The following LRRC56 variants were observed in gnomAD, a reference collection of about 807,000 sequenced individuals.
LRRC56 encodes the protein leucine rich repeat containing 56, also known as leucine-rich repeat-containing protein 56.
In LRRC56, 41 loss-of-function variants were observed where a neutral mutation model predicts 47.8. The ratio of observed to expected loss-of-function variants is 0.86; its 90% CI spans 0.67 to 1.11. The LOEUF (loss-of-function observed/expected upper bound fraction) is 1.11. LRRC56 is among the 50% of genes most tolerant of loss of function. The probability of loss-of-function intolerance (pLI) is 0.00; values close to 1 mark genes in which losing one functional copy is unlikely to be tolerated. For missense variants in LRRC56, 759 were observed against 704.2 expected (o/e 1.08, Z -0.88); for synonymous variants, 387 against 311.2 (o/e 1.24, Z -2.56).
chr11:553,872 G>A (rs140579137), intron 13 of LRRC56, 91 bp from the exon 14 acceptor site: 3 of 1,183,048 alleles, frequency 2.5e-6, no homozygotes, highest in Non-Finnish European at 2.4e-6. Context: ...CCTCGGGGCT[G>A]CAGGGCCACG....
intron 9 of LRRC56, 96 bp downstream of exon 9, chr11:551,398 C>A (rs1038404535): frequency 1.1e-6 from 1 of 897,024 alleles, no homozygotes. Context: ...ATAGCCACAT[C>A]TCATGCGCTT....
In LRRC56 at chr11:540,719, G is replaced by A. The variant is rs2277269; in HGVS notation, c.35G>A (p.Arg12Gln). 5,850 of 1,612,636 alleles carry A rather than the reference G, an allele frequency of 3.6e-3. 94 individuals carry two copies. Among genetic ancestry groups the A allele is most frequent in the Admixed American group, 0.031 (1,839 of 59,964 alleles). Reference protein sequence around the residue: ...DLGWDRSRGPRRSTSSVRVRE... With the variant: ...DLGWDRSRGPQRSTSSVRVRE... ...GGCTGGGACAGATCCCGTGGGCCTC[G>A]GCGGAGCACCTCCAGCGTCCGGGTG... The change falls in exon 4 of 14, where the codon CGG (arginine) becomes CAG (glutamine). Residue 12 changes from arginine to glutamine, a missense_variant. Physicochemically the swap from Arg to Gln is conservative, Grantham distance 43. Transcript: ENST00000270115.
chr11:511,812 C>T, the LRRC56 span, among the ~76,000 whole-genome samples: 1 of 152,210 alleles, frequency 6.6e-6, no homozygotes, highest in Non-Finnish European at 1.5e-5. Context: ...AGACACTGAG[C>T]TAGCCTCTGG....
the LRRC56 span, among the ~76,000 whole-genome samples, chr11:522,820 C>G: frequency 6.6e-6 from 1 of 152,192 alleles, no homozygotes; most frequent in African/African-American, 2.4e-5. Context: ...GCAATCTCGG[C>G]TCACTGCAAC....
At chr11:518,042 G>A in the LRRC56 span, among the ~76,000 whole-genome samples, 1 of 152,110 alleles carries the variant, frequency 6.6e-6, no homozygotes, top group Non-Finnish European at 1.5e-5. Context: ...AAGGCCGCAG[G>A]GACCTCTGCC....
At chr11:516,772 C>T in the LRRC56 span, among the ~76,000 whole-genome samples, 2 of 152,284 alleles carry the variant, frequency 1.3e-5, no homozygotes, top group East Asian at 3.9e-4. Context: ...GACAAAAATA[C>T]ATCATCATTT....
intron 1 of LRRC56, among the ~76,000 whole-genome samples, 166 bp downstream of exon 1, chr11:537,771 C>G (rs1851592986): frequency 6.6e-6 from 1 of 152,210 alleles, no homozygotes; most frequent in Admixed American, 6.5e-5. Context: ...GGACCCTTGC[C>G]TCCACCACCC....
the LRRC56 span, among the ~76,000 whole-genome samples, chr11:515,316 T>TC: frequency 8.5e-5 from 13 of 152,146 alleles, no homozygotes; most frequent in African/African-American, 3.1e-4. Context: ...GATGAGTCCT[T>TC]CCTCAGACGG....
At chr11:518,605 G>A in the LRRC56 span, among the ~76,000 whole-genome samples, 2 of 152,156 alleles carry the variant, frequency 1.3e-5, no homozygotes, top group African/African-American at 4.8e-5. Flanking sequence ...TTACAGACGT[G>A]AGTCACCCTG....
the LRRC56 span, among the ~76,000 whole-genome samples, chr11:527,836 G>A: frequency 6.6e-6 from 1 of 152,072 alleles, no homozygotes; most frequent in Non-Finnish European, 1.5e-5. Flanking sequence ...AAGTAGCTGG[G>A]ATTACAGTCA....
chr11:515,816 C>A, the LRRC56 span, among the ~76,000 whole-genome samples: 1 of 151,990 alleles, frequency 6.6e-6, no homozygotes, highest in African/African-American at 2.4e-5. Context: ...CCAACCTGGG[C>A]GAGAGAGTGA....
chr11:532,047 G>A, the LRRC56 span, among the ~76,000 whole-genome samples: 1 of 152,194 alleles, frequency 6.6e-6, no homozygotes, highest in East Asian at 1.9e-4. Context: ...CTTGTCCAGA[G>A]CTCTCTGCCA....
chr11:508,155 C>G, the LRRC56 span, among the ~76,000 whole-genome samples: 1 of 152,254 alleles, frequency 6.6e-6, no homozygotes, highest in Non-Finnish European at 1.5e-5. Flanking sequence ...AACCTCTCCT[C>G]TGACTGCCTT....
intron 5 of LRRC56, 75 bp from the exon 6 acceptor site, chr11:544,645 C>A: frequency 6.7e-7 from 1 of 1,488,400 alleles, no homozygotes; most frequent in Non-Finnish European, 9.4e-7. Context: ...GGTGCTGATG[C>A]CTAGGGGTGA....
chr11:538,119 T>C (rs1484907318), intron 1 of LRRC56, among the ~76,000 whole-genome samples: 2 of 152,078 alleles, frequency 1.3e-5, no homozygotes, highest in Non-Finnish European at 2.9e-5. Context: ...GTGAGAACAC[T>C]AGGTGCAGTG....
rs1419207790 is a variant in LRRC56 at position 541,863 on chromosome 11, G to C, written c.265+239G>C. On this transcript the variant is annotated intron_variant, in intron 5 of 13. Transcript: ENST00000270115. The surrounding 1 kb of genome is among the most constrained non-coding windows in gnomAD (Gnocchi z 4.1). Reference sequence around the variant, plus strand: ...CTCAGTACCCCACACACCCACACCAGTACCCCCAGCACGCTCAGTACCCCA... The same window carrying C: ...CTCAGTACCCCACACACCCACACCACTACCCCCAGCACGCTCAGTACCCCA... Among the ~76,000 whole-genome samples, 1 of 147,462 alleles carries C rather than the reference G, an allele frequency of 6.8e-6. No individual in the cohort carries two copies.
At chr11:535,825 G>A (rs1030685524), upstream of LRRC56, among the ~76,000 whole-genome samples, 1 of 152,114 alleles carries the variant, frequency 6.6e-6, no homozygotes, top group African/African-American at 2.4e-5. Flanking sequence ...GTGTCTGGGG[G>A]CCCGGGGCGG....
chr11:528,658 G>A, the LRRC56 span: 13 of 152,326 alleles, frequency 8.5e-5, no homozygotes, highest in South Asian at 2.1e-4. Context: ...TCTGACGATC[G>A]TCTCGAGCCA....
chr11:513,624 C>CA, the LRRC56 span, among the ~76,000 whole-genome samples: 1 of 152,078 alleles, frequency 6.6e-6, no homozygotes, highest in Non-Finnish European at 1.5e-5. Flanking sequence ...AAAATGCTAC[C>CA]AAACAGCATC....
Sources: allele counts gnomAD v4.1 joint callset (sites outside exome capture counted in the v4.1 genomes callset), GRCh38; gene constraint gnomAD v4.1.1; non-coding constraint Gnocchi (gnomAD v3.1); transcripts MANE v1.5; gene names NCBI Gene and HGNC (gene_info 2026-07-23, HGNC 2026-07-21).